The following PTPRT variants were observed in gnomAD, a reference collection of about 807,000 sequenced individuals.
PTPRT encodes the protein protein tyrosine phosphatase receptor type T.
PTPRT carries 56 observed loss-of-function variants against 176.8 expected under a neutral mutation model. The observed-to-expected ratio is 0.32, with a 90% CI of 0.26 to 0.40. The LOEUF is 0.40. Ranked by LOEUF, PTPRT falls within the 10% of genes least tolerant of loss-of-function variation. The probability of loss-of-function intolerance (pLI) is 1.00; values close to 1 mark genes in which losing one functional copy is unlikely to be tolerated. For synonymous variants in PTPRT, 783 were observed against 739.0 expected (o/e 1.06, Z -0.96); for missense variants, 1,540 against 1,908.2 (o/e 0.81, Z 3.60).
At chr20:42,279,860 G>C (rs2057109085) in intron 13 of PTPRT, among the ~76,000 whole-genome samples, 1 of 152,130 alleles carries the variant, frequency 6.6e-6, no homozygotes, top group African/African-American at 2.4e-5. Flanking sequence ...CAGGGTCAGG[G>C]ACCAGACAGC....
intron 17 of PTPRT, among the ~76,000 whole-genome samples, chr20:42,154,025 G>A (rs910725660): frequency 5.9e-5 from 9 of 152,160 alleles, no homozygotes; most frequent in African/African-American, 2.2e-4. Context: ...TCTGGAGGTG[G>A]GGTGGAGTGG....
chr20:42,877,154 GA>G (rs111461366), intron 2 of PTPRT, among the ~76,000 whole-genome samples: 4 of 151,096 alleles, frequency 2.6e-5, no homozygotes, highest in Admixed American at 1.3e-4. Context: ...AAAATAAGCA[GA>G]AAAAAAAGGG....
At chr20:42,847,730 G>T (rs964608163) in intron 2 of PTPRT, among the ~76,000 whole-genome samples, 2 of 152,186 alleles carry the variant, frequency 1.3e-5, no homozygotes, top group Admixed American at 1.3e-4. Context: ...GACACTCCCA[G>T]GACTTCCCTG....
chr20:42,359,378 GAAGAATGAGGTCCCTAGAAATGT>G (rs1227587531), intron 9 of PTPRT, among the ~76,000 whole-genome samples: 2 of 152,230 alleles, frequency 1.3e-5, no homozygotes, highest in African/African-American at 4.8e-5. Context: ...CCTGGCTGGA[GAAGAATGAGGTCCCTAGAAATGT>G]AAGAATGAGA....
chr20:42,104,105 T>C (rs1384922982), intron 25 of PTPRT, among the ~76,000 whole-genome samples: 1 of 152,108 alleles, frequency 6.6e-6, no homozygotes, highest in Non-Finnish European at 1.5e-5. Context: ...TATTAGGAGG[T>C]TGGGACTTTG....
intron 13 of PTPRT, among the ~76,000 whole-genome samples, chr20:42,254,571 T>C (rs980258472): frequency 6.6e-6 from 1 of 151,906 alleles, no homozygotes; most frequent in Non-Finnish European, 1.5e-5. Flanking sequence ...GAAGGTGGAG[T>C]AGATTTGGTC....
At chr20:42,223,463 G>A (rs999570403) in intron 15 of PTPRT, among the ~76,000 whole-genome samples, 20 of 152,262 alleles carry the variant, frequency 1.3e-4, no homozygotes, top group African/African-American at 3.6e-4. Flanking sequence ...GTTGCTTATT[G>A]TTTTCCTCAC....
intron 29 of PTPRT, among the ~76,000 whole-genome samples, chr20:42,083,713 G>A (rs891098581): frequency 4.8e-4 from 73 of 152,336 alleles, no homozygotes; most frequent in African/African-American, 1.7e-3. Context: ...AATATTTGTT[G>A]TAAGAAAGAG....
At chr20:42,665,053 T>A (rs2075290193) in intron 7 of PTPRT, among the ~76,000 whole-genome samples, 2 of 152,022 alleles carry the variant, frequency 1.3e-5, no homozygotes. Context: ...GGACTTCATG[T>A]CTAAAACACC....
At chr20:42,603,373 A>G (rs942682649) in intron 7 of PTPRT, among the ~76,000 whole-genome samples, 11 of 152,096 alleles carry the variant, frequency 7.2e-5, no homozygotes, top group Non-Finnish European at 1.6e-4. Context: ...TGGGGTGGAG[A>G]GGGGACAAAC....
chr20:42,811,488 A>G (rs1358366924), intron 2 of PTPRT, among the ~76,000 whole-genome samples: 1 of 152,216 alleles, frequency 6.6e-6, no homozygotes, highest in African/African-American at 2.4e-5. Flanking sequence ...CTTCTTTACC[A>G]AGAGATACTT....
intron 9 of PTPRT, among the ~76,000 whole-genome samples, chr20:42,388,468 T>C (rs1464440830): frequency 3.3e-5 from 5 of 152,148 alleles, no homozygotes; most frequent in African/African-American, 1.2e-4. Context: ...GAGCAAGGGA[T>C]ATGAACAGAC....
At chr20:42,404,419 A>C (rs939025397) in intron 9 of PTPRT, among the ~76,000 whole-genome samples, 24 of 152,154 alleles carry the variant, frequency 1.6e-4, no homozygotes, top group African/African-American at 5.8e-4. Context: ...CATCATTCTT[A>C]AACAAAAATT....
chr20:42,761,706 T>C (rs1023892579), intron 5 of PTPRT, among the ~76,000 whole-genome samples: 1 of 152,362 alleles, frequency 6.6e-6, no homozygotes, highest in South Asian at 2.1e-4. Context: ...CCTGGGGATC[T>C]TGTTAAAAAT....
At chr20:42,064,626 T>C in the PTPRT span, among the ~76,000 whole-genome samples, 5 of 152,216 alleles carry the variant, frequency 3.3e-5, no homozygotes, top group African/African-American at 9.7e-5. Context: ...TGCATACTTA[T>C]TTTATAACCT....
At chr20:42,406,627 G>C (rs971668014) in intron 9 of PTPRT, among the ~76,000 whole-genome samples, 1 of 151,770 alleles carries the variant, frequency 6.6e-6, no homozygotes, top group Non-Finnish European at 1.5e-5. Context: ...TAAAAATAAA[G>C]CTTTTCCATT....
At chr20:42,959,986 A>T (rs1981895371) in intron 1 of PTPRT, among the ~76,000 whole-genome samples, 1 of 151,652 alleles carries the variant, frequency 6.6e-6, no homozygotes, top group Admixed American at 6.6e-5. Flanking sequence ...CATCACTCTC[A>T]CCTCCAAGGG....
intron 12 of PTPRT, among the ~76,000 whole-genome samples, chr20:42,293,265 C>G (rs1304150612): frequency 6.6e-6 from 1 of 152,148 alleles, no homozygotes; most frequent in Non-Finnish European, 1.5e-5. Flanking sequence ...CTGGAACTCC[C>G]TTCAGTGAGA....
chr20:42,107,891 G>GAAAGT (rs1986616830), intron 23 of PTPRT, among the ~76,000 whole-genome samples: 1 of 152,156 alleles, frequency 6.6e-6, no homozygotes, highest in Non-Finnish European at 1.5e-5. Flanking sequence ...CAACAATTTG[G>GAAAGT]AAAGTACACC....
Sources: allele counts gnomAD v4.1 joint callset (sites outside exome capture counted in the v4.1 genomes callset), GRCh38; gene constraint gnomAD v4.1.1; transcripts MANE v1.5; gene names NCBI Gene and HGNC (gene_info 2026-07-23, HGNC 2026-07-21).